ZFC3H1: variants seen among roughly 807,000 people sequenced by gnomAD.
ZFC3H1 encodes zinc finger C3H1-type containing.
ZFC3H1 carries 71 observed loss-of-function variants against 243.7 expected under a neutral mutation model. That is an observed-to-expected ratio of 0.29 (90% confidence interval 0.24 to 0.36). The LOEUF (loss-of-function observed/expected upper bound fraction) is 0.36. Among genes scored for constraint, ZFC3H1 ranks in the 10% least tolerant of loss-of-function variants. ZFC3H1 has a pLI of 1.00. For missense variants in ZFC3H1, 1,966 were observed against 2,317.1 expected, an observed-to-expected ratio of 0.85 and a Z score of 3.11; for synonymous variants, 838 against 813.0, an observed-to-expected ratio of 1.03 and a Z score of -0.52.
intron 21 of ZFC3H1, among the ~76,000 whole-genome samples, chr12:71,626,870 G>C (rs1240513168): frequency 4.2e-4 from 64 of 152,238 alleles, no homozygotes; most frequent in Non-Finnish European, 7.4e-5. Flanking sequence ...TCTTTTCAAC[G>C]GTCAAGGGCT....
chr12:71,655,825 G>A (rs78463801), intron 2 of ZFC3H1, among the ~76,000 whole-genome samples: 1 of 152,014 alleles, frequency 6.6e-6, no homozygotes, highest in Non-Finnish European at 1.5e-5. Flanking sequence ...AAAAGAGGGG[G>A]GGGAAATTAC....
chr12:71,610,595 G>T, intron 34 of ZFC3H1, 30 bp from the exon 35 acceptor site: 1 of 1,612,582 alleles, frequency 6.2e-7, no homozygotes, highest in Non-Finnish European at 8.5e-7. Flanking sequence ...ATAGAAGTAA[G>T]ACTTAGCTAG....
chr12:71,627,448 T>A (rs1220738326), intron 21 of ZFC3H1, among the ~76,000 whole-genome samples: 1 of 152,122 alleles, frequency 6.6e-6, no homozygotes, highest in Admixed American at 6.5e-5. Flanking sequence ...TAAAAAACAA[T>A]CAACCATTCC....
At chr12:71,634,329 G>A in intron 11 of ZFC3H1, 25 bp from the exon 12 acceptor site, 1 of 1,602,974 alleles carries the variant, frequency 6.2e-7, no homozygotes, top group South Asian at 1.1e-5. Flanking sequence ...AAGGATATAT[G>A]CATTACACCC....
chr12:71,614,640 T>A lies in ZFC3H1; in HGVS notation c.5421A>T (p.Lys1807Asn). ...ATCTATTCACTAAATCAGTAAAAAATTTGAATTCTTGAACTTTGTTTCTGG... is the reference window on the plus strand; with the variant it reads ...ATCTATTCACTAAATCAGTAAAAAAATTGAATTCTTGAACTTTGTTTCTGG... ...AGSRNKVQEF[K>N]FFTDLVNRCL... Residue 1807 changes from lysine (K) to asparagine (N), a missense_variant, in exon 30 of 35, where the codon AAA becomes AAT. By Grantham distance (94) the Lys-to-Asn change is moderately conservative. This residue lies in a region of ZFC3H1 where 1,383 missense variants were observed against 1,723.7 expected (regional missense o/e 0.80). Coordinates refer to ENST00000378743, the MANE Select transcript of ZFC3H1 (RefSeq NM_144982.5). 2 of 1,613,204 alleles carry A rather than the reference T, an allele frequency of 1.2e-6. No individual in the cohort carries two copies. Among genetic ancestry groups the A allele is most frequent in the Non-Finnish European group, 1.7e-6 (2 of 1,179,604 alleles).
intron 9 of ZFC3H1, among the ~76,000 whole-genome samples, chr12:71,635,782 T>C (rs1880444008): frequency 6.6e-6 from 1 of 152,212 alleles, no homozygotes; most frequent in Non-Finnish European, 1.5e-5. Flanking sequence ...GACTTTCTAT[T>C]CTATAATTAC....
rs769670535 is a variant in ZFC3H1 at position 71,620,130 on chromosome 12, C to T, written c.4851-6G>A. 1.3e-5 allele frequency: 21 copies of T among 1,591,688 alleles called. No individual in the cohort carries two copies. The highest frequency in any genetic ancestry group is 1.7e-5 in the Non-Finnish European group (20 of 1,172,266). On this transcript the variant is annotated splice_polypyrimidine_tract_variant and splice_region_variant and intron_variant, in intron 25 of 34. Coordinates refer to ENST00000378743, the MANE Select transcript of ZFC3H1 (RefSeq NM_144982.5). Reference sequence around the variant, plus strand: ...GCTCCATTGCAGCCTCATACCTTAACAAAAAAGAAAAAAAAAGGCTAAAGA... The same window carrying T: ...GCTCCATTGCAGCCTCATACCTTAATAAAAAAGAAAAAAAAAGGCTAAAGA...
Position 71,626,409 on chromosome 12 carries a change from G to T in ZFC3H1, c.4168C>A (p.Leu1390Met). ...SESLDSALNVLARALENNKDN... is the reference protein window; with the variant it reads ...SESLDSALNVMARALENNKDN... Reference sequence around the variant, plus strand: ...TTGTTATTTTCCAATGCTCGCGCCAGAACATTTAAAGCAGAATCCAAGGAT... The same window carrying T: ...TTGTTATTTTCCAATGCTCGCGCCATAACATTTAAAGCAGAATCCAAGGAT... Residue 1390 changes from leucine to methionine, a missense_variant, in exon 22 of 35, where the codon CTG (leucine) becomes ATG (methionine). This residue lies in a region of ZFC3H1 where 1,383 missense variants were observed against 1,723.7 expected (regional missense o/e 0.80). Coordinates refer to ENST00000378743, the MANE Select transcript of ZFC3H1 (RefSeq NM_144982.5). 6.2e-7 allele frequency: 1 copy of T among 1,613,864 alleles called. No homozygotes were observed. The highest frequency in any genetic ancestry group is 8.5e-7 in the Non-Finnish European group (1 of 1,179,938).
chr12:71,620,983 T>C (rs1880010861), intron 24 of ZFC3H1, among the ~76,000 whole-genome samples: 1 of 152,180 alleles, frequency 6.6e-6, no homozygotes. Context: ...ACATAAAAGC[T>C]CACCTCTACC....
intron 18 of ZFC3H1, among the ~76,000 whole-genome samples, chr12:71,630,019 G>C (rs1043566471): frequency 3.3e-5 from 5 of 152,008 alleles, no homozygotes; most frequent in African/African-American, 1.2e-4. Flanking sequence ...ACTCTGGGCT[G>C]TGATAACACC....
chr12:71,652,062 A>G (rs1431619711), intron 2 of ZFC3H1, among the ~76,000 whole-genome samples: 3 of 152,224 alleles, frequency 2.0e-5, no homozygotes, highest in East Asian at 1.9e-4. Flanking sequence ...AAGGTTGAGT[A>G]AAAGGCCTGC....
chr12:71,649,797 T>C (rs560666148), intron 2 of ZFC3H1, among the ~76,000 whole-genome samples: 1 of 152,312 alleles, frequency 6.6e-6, no homozygotes, highest in East Asian at 1.9e-4. Context: ...AGGATCTCAC[T>C]TGTCTATAAA....
Position 71,619,958 on chromosome 12 carries a change from A to C in ZFC3H1, c.5017T>G (p.Phe1673Val), listed in dbSNP as rs776560148. The change falls in exon 26 of 35, where the codon TTT becomes GTT. Residue 1673 changes from phenylalanine (F) to valine (V), a missense_variant. Transcript: ENST00000378743. ...ATGAAGAATTTGCACATATGATAAA[A>C]AACCTCTGCATTCTGAGGATTTTTT... Reference protein sequence around the residue: ...FEKNPQNAEVFYHMCKFFILQ... With the variant: ...FEKNPQNAEVVYHMCKFFILQ... 2.5e-6 allele frequency: 4 copies of C among 1,597,784 alleles called. No individual in the cohort carries two copies. The highest frequency in any genetic ancestry group is 3.4e-6 in the Non-Finnish European group (4 of 1,170,262).
chr12:71,626,514 C>T, intron 21 of ZFC3H1, 68 bp from the exon 22 acceptor site: 1 of 1,322,266 alleles, frequency 7.6e-7, no homozygotes, highest in Non-Finnish European at 1.0e-6. Flanking sequence ...TAGGGCTAAT[C>T]CAATGAGTCA....
rs754967866 is a variant in ZFC3H1 at position 71,638,466 on chromosome 12, A to G, written c.1677T>C (p.Tyr559=). 6.2e-7 allele frequency: 1 copy of G among 1,613,152 alleles called. No homozygotes were observed. Among genetic ancestry groups the G allele is most frequent in the South Asian group, 1.1e-5 (1 of 90,882 alleles). Residue 559 remains tyrosine (Y), a synonymous_variant, in exon 7 of 35, where the codon TAT becomes TAC. Transcript: ENST00000378743. ...AAGAAAGAGATGGTGCTGGAGAAAA[A>G]TACCCCAATGAACATTCAGAGAAAA... ...PPFFSECSLG[Y]FSPAPSLSLP...
At chr12:71,615,170 C>T in intron 28 of ZFC3H1, 36 bp downstream of exon 28, 3 of 1,476,248 alleles carry the variant, frequency 2.0e-6, no homozygotes, top group Non-Finnish European at 2.8e-6. Flanking sequence ...AAATGCAGGC[C>T]TAGTATGCAA....
chr12:71,619,185 T>C, intron 27 of ZFC3H1, 130 bp downstream of exon 27: 1 of 682,120 alleles, frequency 1.5e-6, no homozygotes, highest in Admixed American at 3.2e-5. Flanking sequence ...GTTTCAAGTA[T>C]TCTGTTAAGT....
At chr12:71,638,921 TGTG>T (rs1880533263) in intron 6 of ZFC3H1, among the ~76,000 whole-genome samples, 1 of 152,180 alleles carries the variant, frequency 6.6e-6, no homozygotes, top group Non-Finnish European at 1.5e-5. Flanking sequence ...AAAACAATGA[TGTG>T]GTGACTTCAT....
Position 71,629,645 on chromosome 12 carries a change from G to A in ZFC3H1, c.3790C>T (p.Leu1264Phe). ...DRMSMDQMAV[L>F]LVSNINESKG... ...CTTTCATTGATATTGCTAACAAGGA[G>A]AACAGCCATCTGGTCCATTGACATT... Residue 1264 changes from leucine (L) to phenylalanine (F), a missense_variant, in exon 19 of 35, where the codon CTC (leucine) becomes TTC (phenylalanine). Leu to Phe is a conservative substitution (Grantham distance 22). Around this residue, in one of 4 missense-constraint regions of ZFC3H1, gnomAD observed 1,383 missense variants for 1,723.7 expected, o/e 0.80. Transcript: ENST00000378743. 2 of 1,612,332 alleles carry A rather than the reference G, an allele frequency of 1.2e-6. No homozygotes were observed. The highest frequency in any genetic ancestry group is 1.7e-6 in the Non-Finnish European group (2 of 1,179,584).
Sources: allele counts gnomAD v4.1 joint callset (sites outside exome capture counted in the v4.1 genomes callset), GRCh38; gene constraint gnomAD v4.1.1; regional missense constraint gnomAD v4.1.1; transcripts MANE v1.5; gene names NCBI Gene and HGNC (gene_info 2026-07-23, HGNC 2026-07-21).